Variants in PTPRT observed in about 807,000 individuals in gnomAD.
PTPRT encodes the protein protein tyrosine phosphatase receptor type T.
In PTPRT, 56 loss-of-function variants were observed where a neutral mutation model predicts 176.8. The ratio of observed to expected loss-of-function variants is 0.32; its 90% CI spans 0.26 to 0.40. The LOEUF is 0.40. PTPRT is among the 10% of genes least tolerant of loss of function. The pLI is 1.00. For missense variants in PTPRT, 1,540 were observed against 1,908.2 expected (o/e 0.81, Z 3.60); for synonymous variants, 783 against 739.0 (o/e 1.06, Z -0.96).
At chr20:42,671,163 G>T (rs2075406432) in intron 7 of PTPRT, among the ~76,000 whole-genome samples, 7 of 152,116 alleles carry the variant, frequency 4.6e-5, no homozygotes, top group Admixed American at 4.6e-4. Context: ...CACTGCCCTT[G>T]GTTCTCACTG....
At chr20:42,751,618 G>A (rs759137254) in intron 6 of PTPRT, among the ~76,000 whole-genome samples, 4 of 152,168 alleles carry the variant, frequency 2.6e-5, no homozygotes, top group African/African-American at 7.2e-5. Context: ...AGCTGCCAGC[G>A]TAACTAGAAA....
chr20:43,074,326 T>C (rs1205655570), intron 1 of PTPRT, among the ~76,000 whole-genome samples: 6 of 152,234 alleles, frequency 3.9e-5, no homozygotes, highest in Admixed American at 6.5e-5. Flanking sequence ...ACGTTCTTTT[T>C]CAGTGTAAAA....
chr20:42,458,729 A>T (rs1484754866), intron 8 of PTPRT, among the ~76,000 whole-genome samples: 1 of 152,194 alleles, frequency 6.6e-6, no homozygotes, highest in East Asian at 1.9e-4. Context: ...ATATCTTCTC[A>T]TAGCTTACTG....
chr20:42,679,055 A>T (rs531185981), intron 6 of PTPRT, among the ~76,000 whole-genome samples: 2 of 152,276 alleles, frequency 1.3e-5, no homozygotes, highest in South Asian at 4.2e-4. Flanking sequence ...TTAAAGGAAA[A>T]GTTGTGCTGA....
intron 7 of PTPRT, among the ~76,000 whole-genome samples, chr20:42,483,905 C>A (rs550677309): frequency 6.6e-6 from 1 of 152,228 alleles, no homozygotes; most frequent in Admixed American, 6.5e-5. Flanking sequence ...ATAGAGGGAG[C>A]CTGCGGGGCA....
chr20:42,291,665 C>T (rs189301036), intron 12 of PTPRT, among the ~76,000 whole-genome samples: 25 of 151,978 alleles, frequency 1.6e-4, no homozygotes, highest in Middle Eastern at 3.2e-3. Flanking sequence ...GGAAGGTCAT[C>T]CCAGACTCAG....
intron 7 of PTPRT, among the ~76,000 whole-genome samples, chr20:42,580,267 C>A (rs1376059753): frequency 1.3e-5 from 2 of 152,146 alleles, no homozygotes; most frequent in Non-Finnish European, 2.9e-5. Context: ...GTCTATATCT[C>A]TGTTTTGGTA....
intron 16 of PTPRT, among the ~76,000 whole-genome samples, chr20:42,163,613 C>T (rs1008192804): frequency 6.6e-6 from 1 of 152,190 alleles, no homozygotes; most frequent in African/African-American, 2.4e-5. Context: ...CTGATTCCAC[C>T]CTCAAGGCTT....
intron 1 of PTPRT, among the ~76,000 whole-genome samples, chr20:42,995,125 C>T (rs1173555965): frequency 2.0e-5 from 3 of 152,180 alleles, no homozygotes; most frequent in Non-Finnish European, 2.9e-5. Context: ...AATTCCTTGT[C>T]GTATTGGTTA....
At chr20:43,097,677 C>T (rs534456061) in intron 1 of PTPRT, among the ~76,000 whole-genome samples, 39 of 152,124 alleles carry the variant, frequency 2.6e-4, no homozygotes, top group Non-Finnish European at 5.3e-4. Flanking sequence ...ACTGCACTCT[C>T]CTGACTCTCA....
chr20:43,131,415 T>C (rs911247597), intron 1 of PTPRT, among the ~76,000 whole-genome samples: 3 of 152,364 alleles, frequency 2.0e-5, no homozygotes, highest in South Asian at 2.1e-4. Flanking sequence ...TTTCATGCTG[T>C]TTTCACGTTT....
chr20:42,882,463 A>C (rs1454512033), intron 2 of PTPRT, among the ~76,000 whole-genome samples: 1 of 152,208 alleles, frequency 6.6e-6, no homozygotes, highest in East Asian at 1.9e-4. Context: ...TAGCATGAGT[A>C]AAAAGACACA....
At chr20:42,067,764 C>T (rs1982130274), downstream of PTPRT, among the ~76,000 whole-genome samples, 1 of 152,196 alleles carries the variant, frequency 6.6e-6, no homozygotes, top group Admixed American at 6.5e-5. Flanking sequence ...CCTGGTTGGA[C>T]ATCTGGCGGC....
intron 1 of PTPRT, among the ~76,000 whole-genome samples, chr20:43,110,873 T>C (rs2012827725): frequency 6.6e-6 from 1 of 152,150 alleles, no homozygotes; most frequent in Non-Finnish European, 1.5e-5. Flanking sequence ...TGAGCCTCTT[T>C]TCTGACCTCC....
At chr20:42,689,313 G>T (rs1378440601) in intron 6 of PTPRT, among the ~76,000 whole-genome samples, 2 of 152,174 alleles carry the variant, frequency 1.3e-5, no homozygotes, top group African/African-American at 2.4e-5. Context: ...GCTGAGGGGG[G>T]TTCAGCTGGA....
rs1314195075 is a variant in PTPRT, at chr20:42,885,665, T to A, written c.214+142A>T. 3 of 1,048,816 alleles carry A rather than the reference T, an allele frequency of 2.9e-6. No homozygotes were observed. The African/African-American group carries it at 4.8e-5, about 17-fold the overall frequency. The allele number at this position is 1,048,816 out of a possible 1,614,324, so 65.0% of individuals were successfully genotyped here. A position where few individuals can be genotyped will look rare whatever the true frequency, so the allele number is the denominator to read the frequency against. On this transcript the variant is annotated intron_variant, in intron 2 of 30. Transcript: ENST00000373187. ...TTCATTCAGCCTTGGTTTGACCACCTCTGAGTGTGGGGAACTCACTACCTA... is the reference window on the plus strand; with the variant it reads ...TTCATTCAGCCTTGGTTTGACCACCACTGAGTGTGGGGAACTCACTACCTA...
intron 6 of PTPRT, among the ~76,000 whole-genome samples, chr20:42,741,495 C>T (rs140722792): frequency 6.6e-6 from 1 of 152,252 alleles, no homozygotes; most frequent in East Asian, 1.9e-4. Flanking sequence ...CAGGCAACCA[C>T]CACCACACCC....
chr20:42,317,973 G>A (rs1166060994), intron 11 of PTPRT, among the ~76,000 whole-genome samples: 1 of 152,100 alleles, frequency 6.6e-6, no homozygotes, highest in East Asian at 1.9e-4. Context: ...TACATCTGAG[G>A]GTGTACCATT....
rs1482775396 is a variant in PTPRT, at chr20:42,122,881, C to G, written c.2848-2910G>C. Reference sequence around the variant, plus strand: ...CTCCAGTTGTCCCTCTTTGTCCACTCCTACAACCCCATGCACCCTGTGCTT... The same window carrying G: ...CTCCAGTTGTCCCTCTTTGTCCACTGCTACAACCCCATGCACCCTGTGCTT... On this transcript the variant is annotated intron_variant, in intron 19 of 30. Coordinates refer to ENST00000373187, the MANE Select transcript of PTPRT (RefSeq NM_007050.6). Among the ~76,000 whole-genome samples the G allele has an allele frequency of 2.0e-5, 3 of 152,234 alleles. No individual in the cohort carries two copies. In the East Asian group the frequency reaches 5.8e-4, roughly 29 times the overall value.
Sources: gnomAD v4.1 joint callset for allele counts (sites outside exome capture counted in the v4.1 genomes callset) on GRCh38, gnomAD v4.1.1 for gene constraint, MANE v1.5 for transcripts, NCBI Gene and HGNC (gene_info 2026-07-23, HGNC 2026-07-21) for gene names.